Variants in MAGI3 observed in about 807,000 individuals in gnomAD.
The protein encoded by MAGI3 is membrane associated guanylate kinase, WW and PDZ domain containing 3, also known as membrane-associated guanylate kinase, WW and PDZ domain-containing protein 3.
MAGI3 carries 43 observed loss-of-function variants against 121.8 expected under a neutral mutation model. The ratio of observed to expected loss-of-function variants is 0.35; its 90% CI spans 0.28 to 0.46. The LOEUF (loss-of-function observed/expected upper bound fraction) is 0.46, where lower values mean the gene tolerates loss of function less well. Ranked by LOEUF, MAGI3 falls within the 20% of genes least tolerant of loss-of-function variation. MAGI3 has a pLI of 1.00. For missense variants in MAGI3, 1,547 were observed against 1,797.3 expected, an observed-to-expected ratio of 0.86 and a Z score of 2.52; for synonymous variants, 553 against 639.3, an observed-to-expected ratio of 0.86 and a Z score of 2.04.
intron 1 of MAGI3, among the ~76,000 whole-genome samples, chr1:113,484,865 C>T (rs966296101): frequency 1.3e-5 from 2 of 151,260 alleles, no homozygotes; most frequent in African/African-American, 4.9e-5. Flanking sequence ...GCTGGGACTA[C>T]AGGTGTGCGC....
intron 2 of MAGI3, among the ~76,000 whole-genome samples, chr1:113,563,699 G>A (rs923735496): frequency 6.6e-6 from 1 of 152,178 alleles, no homozygotes; most frequent in African/African-American, 2.4e-5. Context: ...CTGAGAACCA[G>A]TTTTCCTATG....
intron 2 of MAGI3, among the ~76,000 whole-genome samples, chr1:113,565,013 C>A (rs1444625554): frequency 6.6e-6 from 1 of 151,826 alleles, no homozygotes; most frequent in Non-Finnish European, 1.5e-5. Context: ...CCATGCCCTG[C>A]AAATTTTTGT....
At chr1:113,620,686 G>T (rs927463782) in intron 8 of MAGI3, among the ~76,000 whole-genome samples, 1 of 152,128 alleles carries the variant, frequency 6.6e-6, no homozygotes, top group Admixed American at 6.5e-5. Context: ...GACAGGGCTT[G>T]CCCTCAAGAG....
intron 1 of MAGI3, among the ~76,000 whole-genome samples, chr1:113,526,496 T>C (rs144193419): frequency 6.6e-6 from 1 of 152,190 alleles, no homozygotes; most frequent in African/African-American, 2.4e-5. Flanking sequence ...ATTTGAGGAA[T>C]GTCAGAATGA....
chr1:113,545,315 C>G (rs543937059), intron 1 of MAGI3, among the ~76,000 whole-genome samples: 1 of 150,898 alleles, frequency 6.6e-6, no homozygotes, highest in Non-Finnish European at 1.5e-5. Context: ...TAAGACATGC[C>G]AAAATGACCT....
chr1:113,682,787 A>G, intron 20 of MAGI3, 110 bp from the exon 21 acceptor site: 1 of 1,445,162 alleles, frequency 6.9e-7, no homozygotes, highest in Non-Finnish European at 9.1e-7. Flanking sequence ...TAAAATACTC[A>G]GGCTTTTTAA....
chr1:113,483,935 G>A (rs1656231261), intron 1 of MAGI3, among the ~76,000 whole-genome samples: 1 of 151,868 alleles, frequency 6.6e-6, no homozygotes, highest in Admixed American at 6.6e-5. Context: ...TTTCTTCCCT[G>A]ACCCATTTGA....
At chr1:113,504,787 TACAA>T (rs1333653284) in intron 1 of MAGI3, among the ~76,000 whole-genome samples, 1 of 152,112 alleles carries the variant, frequency 6.6e-6, no homozygotes, top group African/African-American at 2.4e-5. Flanking sequence ...TATCAAAAAT[TACAA>T]ACAAAATAAT....
rs367585084 is a variant in MAGI3, at chr1:113,515,052, A to G, written c.317-34463A>G. Among the ~76,000 whole-genome samples the G allele has an allele frequency of 7.2e-5, 11 of 152,214 alleles. No homozygotes were observed. The East Asian group carries it at 1.2e-3, about 16-fold the overall frequency. On this transcript the variant is annotated intron_variant, in intron 1 of 20. Transcript: ENST00000307546. The stretch of plus-strand genomic sequence containing the variant: ...TGTGTGGATACAATATAGCTTTTTG[A>G]ATAGATGTTGATTTTGGTTTCTGAA...
At chr1:113,462,996 G>C (rs1306812145) in intron 1 of MAGI3, among the ~76,000 whole-genome samples, 1 of 152,094 alleles carries the variant, frequency 6.6e-6, no homozygotes, top group Non-Finnish European at 1.5e-5. Flanking sequence ...GACAAAATGA[G>C]TGTGTTTTAA....
At chr1:113,682,842 G>A in intron 20 of MAGI3, 55 bp from the exon 21 acceptor site, 3 of 1,482,646 alleles carry the variant, frequency 2.0e-6, no homozygotes, top group South Asian at 2.9e-5. Context: ...AAAACGTATT[G>A]TTCCTATTTG....
intron 16 of MAGI3, among the ~76,000 whole-genome samples, chr1:113,662,768 A>AT (rs1295367267): frequency 9.2e-5 from 14 of 151,990 alleles, no homozygotes; most frequent in Admixed American, 9.2e-4. Flanking sequence ...AATGTTATGG[A>AT]TTTTACACTG....
At chr1:113,645,996 T>G (rs1652811590) in intron 11 of MAGI3, among the ~76,000 whole-genome samples, 1 of 152,200 alleles carries the variant, frequency 6.6e-6, no homozygotes, top group Admixed American at 6.5e-5. Flanking sequence ...AGTGCCATCT[T>G]TATAACCTAA....
At position 113,642,559 on chromosome 1, in the gene MAGI3, G is replaced by T. The variant is rs200062003; in HGVS notation, c.1966+43G>T. The T allele has an allele frequency of 5.1e-6, 8 of 1,556,706 alleles. No individual in the cohort carries two copies. In the East Asian group the frequency reaches 1.8e-4, roughly 35 times the overall value. On this transcript the variant is annotated intron_variant, in intron 10 of 20. Coordinates refer to ENST00000307546, the MANE Select transcript of MAGI3 (RefSeq NM_001142782.2). ...ATAGAAAAAGTTTCAGTGTTCAAGC[G>T]TTTATATCTACTGATTGTCTTTCCT... is the stretch of plus-strand genomic sequence containing the variant.
chr1:113,565,849 T>C (rs1660416621), intron 2 of MAGI3, among the ~76,000 whole-genome samples: 1 of 152,250 alleles, frequency 6.6e-6, no homozygotes, highest in Non-Finnish European at 1.5e-5. Flanking sequence ...TGACTACTAC[T>C]CTCCCACATG....
intron 2 of MAGI3, among the ~76,000 whole-genome samples, chr1:113,553,567 C>G (rs1476982034): frequency 6.6e-6 from 1 of 152,174 alleles, no homozygotes; most frequent in Non-Finnish European, 1.5e-5. Context: ...CCCTTACTAG[C>G]AGGGCTAAAA....
intron 1 of MAGI3, among the ~76,000 whole-genome samples, chr1:113,532,421 T>C (rs1658771067): frequency 6.7e-6 from 1 of 148,732 alleles, no homozygotes; most frequent in African/African-American, 2.5e-5. Context: ...CCTTTTCTAC[T>C]TTTTTTTTTA....
intron 9 of MAGI3, among the ~76,000 whole-genome samples, chr1:113,627,917 G>GT (rs1456859903): frequency 4.0e-5 from 6 of 151,836 alleles, no homozygotes; most frequent in African/African-American, 1.5e-4. Context: ...ACCTTTACAG[G>GT]TGACATATGT....
rs1647689453 is a variant in MAGI3, at chr1:113,673,524, A to G, written c.3189+59A>G. Reference sequence around the variant, plus strand: ...GGCTCTAGACTAGAAACTTCGAAAGATATTAATAATTGATTTAAAGGGAAT... The same window carrying G: ...GGCTCTAGACTAGAAACTTCGAAAGGTATTAATAATTGATTTAAAGGGAAT... On this transcript the variant is annotated intron_variant, in intron 19 of 20. Coordinates refer to ENST00000307546, the MANE Select transcript of MAGI3 (RefSeq NM_001142782.2). 5 of 1,531,190 alleles carry G rather than the reference A, an allele frequency of 3.3e-6. 1 individual carries two copies. Among genetic ancestry groups the G allele is most frequent in the Admixed American group, 4.0e-5 (2 of 49,542 alleles). The allele number at this position is 1,531,190 out of a possible 1,614,324, so 94.9% of individuals were successfully genotyped here.
Sources: gnomAD v4.1 joint callset for allele counts (sites outside exome capture counted in the v4.1 genomes callset) on GRCh38, gnomAD v4.1.1 for gene constraint, MANE v1.5 for transcripts, NCBI Gene and HGNC (gene_info 2026-07-23, HGNC 2026-07-21) for gene names.